Variants in ABTB3 observed in about 807,000 individuals in gnomAD.
The protein encoded by ABTB3 is ankyrin repeat- and BTB/POZ domain-containing protein 3.
chr12:107,359,674 G>T, the ABTB3 span, among the ~76,000 whole-genome samples: 1 of 152,118 alleles, frequency 6.6e-6, no homozygotes, highest in Non-Finnish European at 1.5e-5. Flanking sequence ...ATAGCTCTCA[G>T]GTTTTGACCG....
At chr12:107,348,284 TAC>T in the ABTB3 span, among the ~76,000 whole-genome samples, 40 of 152,068 alleles carry the variant, frequency 2.6e-4, no homozygotes, top group African/African-American at 9.6e-4. Context: ...TACTCATATC[TAC>T]ACACACACAC....
the ABTB3 span, among the ~76,000 whole-genome samples, chr12:107,354,280 A>G: frequency 6.6e-6 from 1 of 152,156 alleles, no homozygotes; most frequent in Non-Finnish European, 1.5e-5. Context: ...TATACAAATC[A>G]ATGGTTTTCA....
chr12:107,549,914 G>A, the ABTB3 span, among the ~76,000 whole-genome samples: 1 of 152,118 alleles, frequency 6.6e-6, no homozygotes, highest in Non-Finnish European at 1.5e-5. Context: ...GAGATATTGG[G>A]GCTTGTAAAA....
the ABTB3 span, among the ~76,000 whole-genome samples, chr12:107,583,648 C>T: frequency 1.1e-4 from 17 of 152,280 alleles, no homozygotes; most frequent in East Asian, 3.9e-4. Context: ...ATCTCTGCGC[C>T]CCCCCTCCTC....
the ABTB3 span, among the ~76,000 whole-genome samples, chr12:107,656,833 T>C: frequency 6.0e-4 from 91 of 152,284 alleles, no homozygotes; most frequent in African/African-American, 2.1e-3. Context: ...AGCTTTGTAC[T>C]CTGTGATTCT....
chr12:107,506,317 A>C, the ABTB3 span, among the ~76,000 whole-genome samples: 1 of 152,224 alleles, frequency 6.6e-6, no homozygotes, highest in Admixed American at 6.5e-5. Flanking sequence ...CTTTGCCTGC[A>C]TTGGATGAAA....
At chr12:107,397,891 A>G in the ABTB3 span, among the ~76,000 whole-genome samples, 2 of 151,792 alleles carry the variant, frequency 1.3e-5, no homozygotes, top group Non-Finnish European at 2.9e-5. Context: ...TTGTAACGGC[A>G]CCTCCGTTCT....
At chr12:107,527,061 G>A in the ABTB3 span, among the ~76,000 whole-genome samples, 67 of 151,934 alleles carry the variant, frequency 4.4e-4, 1 homozygote, top group Admixed American at 1.9e-3. Flanking sequence ...AAGCTCCCTC[G>A]CTTCATTCAA....
the ABTB3 span, among the ~76,000 whole-genome samples, chr12:107,345,823 A>C: frequency 6.6e-6 from 1 of 152,216 alleles, no homozygotes; most frequent in South Asian, 2.1e-4. Flanking sequence ...AAGAGGAAAC[A>C]GTGGGTAGAA....
the ABTB3 span, among the ~76,000 whole-genome samples, chr12:107,467,546 CCGCTTAGGAAA>C: frequency 6.6e-6 from 1 of 152,096 alleles, no homozygotes; most frequent in Non-Finnish European, 1.5e-5. Flanking sequence ...ACTTCGAGAC[CCGCTTAGGAAA>C]CACCTGGATT....
chr12:107,322,809 A>G, the ABTB3 span, among the ~76,000 whole-genome samples: 1 of 150,106 alleles, frequency 6.7e-6, no homozygotes, highest in African/African-American at 2.5e-5. Context: ...CGTACTCTTA[A>G]CTCCTGTCTG....
chr12:107,533,926 C>A, the ABTB3 span, among the ~76,000 whole-genome samples: 1 of 152,154 alleles, frequency 6.6e-6, no homozygotes, highest in African/African-American at 2.4e-5. Context: ...TATCAAGTAT[C>A]TTTTCAGACC....
chr12:107,575,980 C>T, the ABTB3 span, among the ~76,000 whole-genome samples: 1 of 152,178 alleles, frequency 6.6e-6, no homozygotes, highest in Non-Finnish European at 1.5e-5. Context: ...TGTTCAAGCT[C>T]CCACTGCTAG....
At chr12:107,395,234 T>G in the ABTB3 span, among the ~76,000 whole-genome samples, 7 of 152,206 alleles carry the variant, frequency 4.6e-5, no homozygotes, top group Non-Finnish European at 8.8e-5. Flanking sequence ...GTTTGGTATT[T>G]AGGTCCTCTG....
At chr12:107,500,443 C>A in the ABTB3 span, among the ~76,000 whole-genome samples, 1 of 152,224 alleles carries the variant, frequency 6.6e-6, no homozygotes, top group Non-Finnish European at 1.5e-5. Flanking sequence ...CTCTCCTGAG[C>A]AGTCTCTCCA....
At chr12:107,553,781 A>C in the ABTB3 span, among the ~76,000 whole-genome samples, 1 of 152,330 alleles carries the variant, frequency 6.6e-6, no homozygotes, top group Non-Finnish European at 1.5e-5. Flanking sequence ...TCTACTAAAA[A>C]TACAAAAAAT....
chr12:107,617,113 G>C, the ABTB3 span: 2 of 1,614,026 alleles, frequency 1.2e-6, no homozygotes, highest in Non-Finnish European at 8.5e-7. Context: ...TGGGGCCAAG[G>C]TGGAAGGCTC....
At chr12:107,477,969 G>C in the ABTB3 span, among the ~76,000 whole-genome samples, 1 of 152,290 alleles carries the variant, frequency 6.6e-6, no homozygotes, top group South Asian at 2.1e-4. Flanking sequence ...CTGATACTGA[G>C]ACCTGAGGGG....
At chr12:107,582,787 A>G in the ABTB3 span, among the ~76,000 whole-genome samples, 1 of 152,132 alleles carries the variant, frequency 6.6e-6, no homozygotes, top group African/African-American at 2.4e-5. Context: ...TCCTGTTTTC[A>G]GGGGTGGGCG....
Sources: allele counts gnomAD v4.1 joint callset (sites outside exome capture counted in the v4.1 genomes callset), GRCh38; gene constraint gnomAD v4.1.1; transcripts MANE v1.5; gene names NCBI Gene and HGNC (gene_info 2026-07-23, HGNC 2026-07-21).